Variants in ADCY3 observed in about 807,000 individuals in gnomAD.
The protein encoded by ADCY3 is adenylate cyclase type 3.
Under a neutral mutation model 119.4 loss-of-function variants are expected in ADCY3, and 70 were observed. That is an observed-to-expected ratio of 0.59 (90% CI 0.48 to 0.72). The LOEUF (loss-of-function observed/expected upper bound fraction) is 0.72, where lower values mean the gene tolerates loss of function less well. Ranked by LOEUF, ADCY3 falls within the 30% of genes least tolerant of loss-of-function variation. The pLI is 0.00. For missense variants in ADCY3, 1,238 were observed against 1,541.6 expected (o/e 0.80, Z 3.30); for synonymous variants, 672 against 621.4 (o/e 1.08, Z -1.21).
At chr2:24,853,018 GTGTGT>G (rs1672549606) in intron 3 of ADCY3, among the ~76,000 whole-genome samples, 2 of 30,946 alleles carry the variant, frequency 6.5e-5, no homozygotes, top group Non-Finnish European at 1.2e-4. Context: ...GTGTGTGTGT[GTGTGT>G]GTGTGTGTGT....
intron 3 of ADCY3, among the ~76,000 whole-genome samples, chr2:24,854,572 T>C (rs1672781997): frequency 6.6e-6 from 1 of 152,200 alleles, no homozygotes; most frequent in Non-Finnish European, 1.5e-5. Flanking sequence ...AAGTGGCTCG[T>C]GGCTTTTGTT....
rs1670034506 is a variant in ADCY3 at position 24,834,557 on chromosome 2, C to T, written c.1895G>A (p.Ser632Asn). 1.2e-6 allele frequency: 2 copies of T among 1,613,876 alleles called. No homozygotes were observed. The highest frequency in any genetic ancestry group is 2.7e-5 in the African/African-American group (2 of 74,900). Reference protein sequence around the residue: ...TRYSVEKEKQSGAAFSCSCVV... With the variant: ...TRYSVEKEKQNGAAFSCSCVV... ...GCAGGAGCAGCTGAAGGCAGCCCCA[C>T]TCTGCTTCTCCTTCTCCACCGAGTA... The change falls in exon 11 of 22, where the codon AGT becomes AAT. Residue 632 changes from serine to asparagine, a missense_variant. Around this residue, in one of 7 missense-constraint regions of ADCY3, gnomAD observed 499 missense variants for 571.0 expected, o/e 0.87. Coordinates refer to ENST00000679454, the MANE Select transcript of ADCY3 (RefSeq NM_004036.5). The surrounding 1 kb of genome is among the most constrained non-coding windows in gnomAD (Gnocchi z 4.2).
chr2:24,849,756 G>A (rs1672078238), intron 3 of ADCY3, among the ~76,000 whole-genome samples: 1 of 152,180 alleles, frequency 6.6e-6, no homozygotes. Flanking sequence ...GGGAAAGGAG[G>A]AGGGGGGTCT....
intron 2 of ADCY3, among the ~76,000 whole-genome samples, chr2:24,884,723 C>T (rs973550382): frequency 3.9e-5 from 6 of 152,108 alleles, no homozygotes; most frequent in African/African-American, 1.4e-4. Flanking sequence ...GTGATCTGCC[C>T]GCCTTGGCCT....
intron 2 of ADCY3, among the ~76,000 whole-genome samples, chr2:24,905,802 C>T (rs1383949822): frequency 2.6e-5 from 4 of 152,230 alleles, no homozygotes; most frequent in Non-Finnish European, 4.4e-5. Flanking sequence ...TTATCACACC[C>T]ATTTTGCAGA....
intron 2 of ADCY3, among the ~76,000 whole-genome samples, chr2:24,906,968 T>G (rs1437283933): frequency 1.3e-5 from 2 of 151,886 alleles, no homozygotes; most frequent in African/African-American, 4.8e-5. Context: ...CCACCTCTAC[T>G]AAAAATACAA....
At position 24,820,070 on chromosome 2, in the gene ADCY3, G is replaced by A. The variant is rs1341957348; in HGVS notation, c.3297C>T (p.Arg1099=). 1.3e-6 allele frequency: 2 copies of A among 1,587,854 alleles called. No homozygotes were observed. Among genetic ancestry groups the A allele is most frequent in the East Asian group, 4.6e-5 (2 of 43,756 alleles). The change falls in exon 22 of 22, where the codon CGC becomes CGT. Residue 1099 remains arginine, a synonymous_variant. Coordinates refer to ENST00000679454, the MANE Select transcript of ADCY3 (RefSeq NM_004036.5). ...TQVILREYGF[R]FVRRGPIFVK... is the part of the protein sequence containing the mutation. ...CAAAGATGGGGCCTCGCCTCACAAA[G>A]CGGAAGCCGTACTCTCGGAGGATGA...
chr2:24,905,861 T>C (rs6724772), intron 2 of ADCY3, among the ~76,000 whole-genome samples: 79,440 of 151,976 alleles, frequency 0.52, 22,932 homozygotes, highest in African/African-American at 0.79. Flanking sequence ...GATCTCACAG[T>C]TGGTAAGTGG....
chr2:24,838,079 A>C (rs1670524842), intron 8 of ADCY3, among the ~76,000 whole-genome samples: 1 of 87,404 alleles, frequency 1.1e-5, no homozygotes, highest in African/African-American at 4.6e-5. Flanking sequence ...CTCCTCTCTG[A>C]GCCTCTCCCT....
chr2:24,887,669 G>A lies in ADCY3; in HGVS notation c.676-14950C>T, dbSNP rs370709080. Reference sequence around the variant, plus strand: ...CCTCCTCTCGGTGAGGCCAACACTCGGGGCAGGAAAGCATGGCGGTGAAGA... The same window carrying A: ...CCTCCTCTCGGTGAGGCCAACACTCAGGGCAGGAAAGCATGGCGGTGAAGA... On this transcript the variant is annotated intron_variant, in intron 2 of 21. Coordinates refer to ENST00000679454, the MANE Select transcript of ADCY3 (RefSeq NM_004036.5). Among the ~76,000 whole-genome samples, 203 of 151,898 alleles carry A rather than the reference G, an allele frequency of 1.3e-3. 1 individual carries two copies. In the South Asian group the frequency reaches 0.038, roughly 28 times the overall value.
At chr2:24,890,776 A>T (rs1300151472) in intron 2 of ADCY3, among the ~76,000 whole-genome samples, 2 of 151,704 alleles carry the variant, frequency 1.3e-5, no homozygotes, top group Non-Finnish European at 2.9e-5. Flanking sequence ...TTTTCCCACT[A>T]ATTTTTTTTT....
In ADCY3 at chr2:24,889,108, C is replaced by T. The variant is rs545182530; in HGVS notation, c.676-16389G>A. Among the ~76,000 whole-genome samples, 4 of 152,324 alleles carry T rather than the reference C, an allele frequency of 2.6e-5. No homozygotes were observed. In the East Asian group the frequency reaches 5.8e-4, roughly 22 times the overall value. On this transcript the variant is annotated intron_variant, in intron 2 of 21. Coordinates refer to ENST00000679454, the MANE Select transcript of ADCY3 (RefSeq NM_004036.5). ...CTAACACTATCTTCAGCTTATAATG[C>T]GTGAGGAAGGAATGAAAGCTATTAG... is the stretch of plus-strand genomic sequence containing the variant.
chr2:24,884,196 G>A (rs1676737313), intron 2 of ADCY3, among the ~76,000 whole-genome samples: 1 of 152,066 alleles, frequency 6.6e-6, no homozygotes, highest in Non-Finnish European at 1.5e-5. Context: ...TTCTGGGCCA[G>A]GTGCACCAGC....
chr2:24,877,694 G>A (rs1445386120), intron 2 of ADCY3, among the ~76,000 whole-genome samples: 1 of 152,208 alleles, frequency 6.6e-6, no homozygotes, highest in Non-Finnish European at 1.5e-5. Flanking sequence ...TGGCACACAG[G>A]AGACTCCTCC....
chr2:24,821,214 T>G, intron 20 of ADCY3: 1 of 447,546 alleles, frequency 2.2e-6, no homozygotes, highest in Non-Finnish European at 4.0e-6. Flanking sequence ...AGCCATGTCC[T>G]CAGCAGGCAC....
At chr2:24,837,125 G>T in intron 8 of ADCY3, 80 bp from the exon 9 acceptor site, 1 of 1,478,732 alleles carries the variant, frequency 6.8e-7, no homozygotes, top group South Asian at 1.3e-5. Context: ...ACAAGGGCGT[G>T]GGAGGCGGTG....
At chr2:24,888,951 G>C (rs1425964094) in intron 2 of ADCY3, among the ~76,000 whole-genome samples, 1 of 152,240 alleles carries the variant, frequency 6.6e-6, no homozygotes, top group Non-Finnish European at 1.5e-5. Context: ...AGAGGTTGCA[G>C]TGAGCTGAGG....
intron 3 of ADCY3, among the ~76,000 whole-genome samples, chr2:24,855,471 G>T (rs967461087): frequency 1.3e-5 from 2 of 152,198 alleles, no homozygotes; most frequent in African/African-American, 4.8e-5. Context: ...CCGGAGGAGG[G>T]GGATGTGGCC....
chr2:24,831,790 C>A (rs1669538410), intron 11 of ADCY3, 41 bp from the exon 12 acceptor site: 1 of 1,370,642 alleles, frequency 7.3e-7, no homozygotes, highest in Non-Finnish European at 1.0e-6. Flanking sequence ...CCAGAGGGGA[C>A]AGTGAGATGG....
Sources: allele counts gnomAD v4.1 joint callset (sites outside exome capture counted in the v4.1 genomes callset), GRCh38; gene constraint gnomAD v4.1.1; regional missense constraint gnomAD v4.1.1; non-coding constraint Gnocchi (gnomAD v3.1); transcripts MANE v1.5; gene names NCBI Gene and HGNC (gene_info 2026-07-23, HGNC 2026-07-21).